The following SURF1 variants were observed in gnomAD, a reference collection of about 807,000 sequenced individuals.
The protein encoded by SURF1 is SURF1 cytochrome c oxidase assembly factor.
In SURF1, 45 loss-of-function variants were observed where a neutral mutation model predicts 34.1. The ratio of observed to expected loss-of-function variants is 1.32; its 90% CI spans 1.04 to 1.69. The LOEUF (loss-of-function observed/expected upper bound fraction) is 1.69. SURF1 is among the 40% of genes most tolerant of loss of function. The pLI is 0.00. For missense variants in SURF1, 456 were observed against 384.6 expected, an observed-to-expected ratio of 1.19 and a Z score of -1.55; for synonymous variants, 188 against 147.5, an observed-to-expected ratio of 1.27 and a Z score of -1.99.
chr9:133,355,664 C>T (rs2130022344), intron 2 of SURF1, among the ~76,000 whole-genome samples: 2 of 152,310 alleles, frequency 1.3e-5, no homozygotes, highest in African/African-American at 2.4e-5. Context: ...TATATCAATT[C>T]AGTAATGGCT....
Position 133,354,869 on chromosome 9 carries a change from G to A in SURF1, c.195C>T (p.Val65=), listed in dbSNP as rs2130019337. Residue 65 remains valine, a synonymous_variant, in exon 3 of 9, where the codon GTC becomes GTT. Coordinates refer to ENST00000371974, the MANE Select transcript of SURF1 (RefSeq NM_003172.4). The stretch of plus-strand genomic sequence containing the variant: ...AGGCAGTCACAGGGATGAGGAGCAG[G>A]ACCCACTGAAGAAAGGAGTCATCTT... ...KAEDDSFLQW[V]LLLIPVTAFG... 33 of 1,614,024 alleles carry A rather than the reference G, an allele frequency of 2.0e-5. No homozygotes were observed. The South Asian group carries it at 3.1e-4, about 15-fold the overall frequency.
At chr9:133,352,258 G>C in intron 7 of SURF1, 116 bp from the exon 8 acceptor site, 1 of 1,363,078 alleles carries the variant, frequency 7.3e-7, no homozygotes, top group Non-Finnish European at 1.0e-6. Flanking sequence ...CCTTTACGTT[G>C]GGTGACCATC....
chr9:133,353,938 G>C lies in SURF1; in HGVS notation c.326C>G (p.Pro109Arg). The C allele has an allele frequency of 6.2e-7, 1 of 1,613,838 alleles. No individual in the cohort carries two copies. The highest frequency in any genetic ancestry group is 8.5e-7 in the Non-Finnish European group (1 of 1,180,038). Residue 109 changes from proline (P) to arginine (R), a missense_variant and splice_region_variant, in exon 5 of 9, where the codon CCA becomes CGA. Physicochemically the swap from Pro to Arg is moderately radical, Grantham distance 103. Coordinates refer to ENST00000371974, the MANE Select transcript of SURF1 (RefSeq NM_003172.4). Reference protein sequence around the residue: ...LAEPVPLPADPMELKNLEYRP... With the variant: ...LAEPVPLPADRMELKNLEYRP... Reference sequence around the variant, plus strand: ...ATACTCCAGATTTTTCAGTTCCATTGGGCTGCATGGAGATAAGAACAGTGG... The same window carrying C: ...ATACTCCAGATTTTTCAGTTCCATTCGGCTGCATGGAGATAAGAACAGTGG...
rs2130018925 is a variant in SURF1, at chr9:133,354,818, C to T, written c.240+6G>A. Reference sequence around the variant, plus strand: ...AGAGTTACGCACACCAGATGCCGGTCTTTACCTGCCATGTCCCCAAGCCAA... The same window carrying T: ...AGAGTTACGCACACCAGATGCCGGTTTTTACCTGCCATGTCCCCAAGCCAA... On this transcript the variant is annotated splice_donor_region_variant and intron_variant, in intron 3 of 8. Transcript: ENST00000371974. The T allele has an allele frequency of 2.1e-4, 336 of 1,613,796 alleles. 5 individuals carry two copies. The South Asian group carries it at 3.5e-3, about 17-fold the overall frequency.
Position 133,352,741 on chromosome 9 carries a change from A to G in SURF1, c.541T>C (p.Phe181Leu), listed in dbSNP as rs1254427424. The stretch of plus-strand genomic sequence containing the variant: ...GGATTCACTTTCTTCCTGGGAACGA[A>G]CCCTCTATTTACCAGGATGGTGACT... ...LGVTILVNRGFVPRKKVNPET... is the reference protein window; with the variant it reads ...LGVTILVNRGLVPRKKVNPET... The change falls in exon 6 of 9, where the codon TTC (phenylalanine) becomes CTC (leucine). Residue 181 changes from phenylalanine to leucine, a missense_variant. Phe to Leu is a conservative substitution (Grantham distance 22, BLOSUM62 0). Coordinates refer to ENST00000371974, the MANE Select transcript of SURF1 (RefSeq NM_003172.4). 4 of 1,612,382 alleles carry G rather than the reference A, an allele frequency of 2.5e-6. No homozygotes were observed. The highest frequency in any genetic ancestry group is 4.5e-5 in the East Asian group (2 of 44,880).
chr9:133,353,774 T>G lies in SURF1; in HGVS notation c.490A>C (p.Thr164Pro), dbSNP rs1588690912. Residue 164 changes from threonine (T) to proline (P), a missense_variant, in exon 5 of 9, where the codon ACT (threonine) becomes CCT (proline). Physicochemically the swap from Thr to Pro is conservative, Grantham distance 38. Transcript: ENST00000371974. ...CCCAGGTCGGTGCAGTGGAAGGGAG[T>G]GACCACATAGGCCCCACTCTGAGTT... Reference protein sequence around the residue: ...SSTQSGAYVVTPFHCTDLGVT... With the variant: ...SSTQSGAYVVPPFHCTDLGVT... 6.2e-7 allele frequency: 1 copy of G among 1,613,696 alleles called. No individual in the cohort carries two copies. The highest frequency in any genetic ancestry group is 8.5e-7 in the Non-Finnish European group (1 of 1,180,016).
chr9:133,351,902 CA>C lies in SURF1; in HGVS notation c.*10del. On this transcript the variant is annotated 3_prime_UTR_variant, in exon 9 of 9. Transcript: ENST00000371974. ...GCATTATCCAGGGACAGGGCTTCAG[CA>C]GCTGATCTGTCACACACCAGGTGTC... 1 of 1,612,882 alleles carries C rather than the reference CA, an allele frequency of 6.2e-7. No individual in the cohort carries two copies. The highest frequency in any genetic ancestry group is 8.5e-7 in the Non-Finnish European group (1 of 1,179,530).
rs1836451398 is a variant in SURF1, at chr9:133,352,468, G to T, written c.729C>A (p.Pro243=). ...EAMARITGAE[P]IFIDANFQST... ...TACGGAAGTTGGCATCAATGAAGAT[G>T]GGCTCTGCGCCTGTGATTCTGGCCA... The change falls in exon 7 of 9, where the codon CCC becomes CCA. Residue 243 remains proline, a synonymous_variant. Transcript: ENST00000371974. 1 of 1,614,196 alleles carries T rather than the reference G, an allele frequency of 6.2e-7. No individual in the cohort carries two copies. The highest frequency in any genetic ancestry group is 8.5e-7 in the Non-Finnish European group (1 of 1,180,046).
Position 133,352,087 on chromosome 9 carries a change from G to T in SURF1, c.807C>A (p.Asn269Lys). Residue 269 changes from asparagine (N) to lysine (K), a missense_variant, in exon 8 of 9, where the codon AAC becomes AAA. Physicochemically the swap from Asn to Lys is moderately conservative, Grantham distance 94 (BLOSUM62 0). Transcript: ENST00000371974. The stretch of plus-strand genomic sequence containing the variant: ...AGGTCACGATGTACTGCAGATGCTC[G>T]TTCCTCAGAGTAACTCTGGTTTGCC... ...IGGQTRVTLR[N>K]EHLQYIVTWY... 6.2e-7 allele frequency: 1 copy of T among 1,610,690 alleles called. No homozygotes were observed. The highest frequency in any genetic ancestry group is 8.5e-7 in the Non-Finnish European group (1 of 1,178,456).
chr9:133,356,310 C>A lies in SURF1; in HGVS notation c.65G>T (p.Ser22Ile). Residue 22 changes from serine to isoleucine, a missense_variant, in exon 2 of 9, where the codon AGC becomes ATC. By Grantham distance (142) the Ser-to-Ile change is moderately radical. Coordinates refer to ENST00000371974, the MANE Select transcript of SURF1 (RefSeq NM_003172.4). ...CCTGAGGACGCTCCTCCAGGCGGCG[C>A]TGGCCGGGGCCTGCGGACACGGACG... ...RAAGLGRAPASAAWRSVLRVS... is the reference protein window; with the variant it reads ...RAAGLGRAPAIAAWRSVLRVS... 6.6e-7 allele frequency: 1 copy of A among 1,523,948 alleles called. No individual in the cohort carries two copies. The allele number at this position is 1,523,948 out of a possible 1,614,324, so 94.4% of individuals were successfully genotyped here.
chr9:133,352,203 C>G, intron 7 of SURF1, 61 bp from the exon 8 acceptor site: 1 of 1,510,144 alleles, frequency 6.6e-7, no homozygotes, highest in Admixed American at 1.9e-5. Context: ...GCACCACTTC[C>G]TAGTGGCTGT....
chr9:133,354,564 A>C, intron 4 of SURF1, 95 bp downstream of exon 4: 1 of 1,449,246 alleles, frequency 6.9e-7, no homozygotes, highest in East Asian at 2.3e-5. Context: ...AGTGACTAAA[A>C]GTCCCACCAA....
Position 133,351,788 on chromosome 9 carries a change from A to T in SURF1, c.*125T>A. Reference sequence around the variant, plus strand: ...ACTGAAACCAAGCCAGGATTTTATGATGAACCAGTCATGAGCTCATTTAAG... The same window carrying T: ...ACTGAAACCAAGCCAGGATTTTATGTTGAACCAGTCATGAGCTCATTTAAG... On this transcript the variant is annotated 3_prime_UTR_variant, in exon 9 of 9. Coordinates refer to ENST00000371974, the MANE Select transcript of SURF1 (RefSeq NM_003172.4). 9.0e-7 allele frequency: 1 copy of T among 1,116,932 alleles called. No homozygotes were observed. Among genetic ancestry groups the T allele is most frequent in the East Asian group, 2.6e-5 (1 of 38,984 alleles). 69.2% of individuals were successfully genotyped at this position (1,116,932 alleles called of 1,614,324 possible). A position where few individuals can be genotyped will look rare whatever the true frequency, so the allele number is the denominator to read the frequency against.
rs1836416878 is a variant in SURF1, at chr9:133,351,820, G to A, written c.*93C>T. On this transcript the variant is annotated 3_prime_UTR_variant, in exon 9 of 9. Coordinates refer to ENST00000371974, the MANE Select transcript of SURF1 (RefSeq NM_003172.4). ...AGTCATGAGCTCATTTAAGGTAGAA[G>A]GCCAGAACTTTATACCAGTAGCACA... is the stretch of plus-strand genomic sequence containing the variant. The A allele has an allele frequency of 2.2e-6, 3 of 1,386,114 alleles. No individual in the cohort carries two copies. Among genetic ancestry groups the A allele is most frequent in the Non-Finnish European group, 3.0e-6 (3 of 994,130 alleles). 85.9% of individuals were successfully genotyped at this position (1,386,114 alleles called of 1,614,324 possible). A position where few individuals can be genotyped will look rare whatever the true frequency, so the allele number is the denominator to read the frequency against.
chr9:133,354,193 A>G, intron 4 of SURF1: 1 of 576,480 alleles, frequency 1.7e-6, no homozygotes, highest in Admixed American at 2.8e-5. Context: ...TATGTGGGCC[A>G]AAACCCCATC....
rs2130025871 is a variant in SURF1 at position 133,356,366 on chromosome 9, GCCCCGCACCCCGCA to G, written c.54+20_54+33del. 14 of 1,343,654 alleles carry G rather than the reference GCCCCGCACCCCGCA, an allele frequency of 1.0e-5. No individual in the cohort carries two copies. The highest frequency in any genetic ancestry group is 3.2e-5 in the Admixed American group (1 of 31,606). 83.2% of individuals were successfully genotyped at this position (1,343,654 alleles called of 1,614,324 possible). ...GCTGAGCTCCGGGACCCCTCCCCGCGCCCCGCACCCCGCACCCCGCACCCGGCGCTCACCCGTCC... is the reference window on the plus strand; with the variant it reads ...GCTGAGCTCCGGGACCCCTCCCCGCGCCCCGCACCCGGCGCTCACCCGTCC... On this transcript the variant is annotated intron_variant, in intron 1 of 8. Coordinates refer to ENST00000371974, the MANE Select transcript of SURF1 (RefSeq NM_003172.4).
At chr9:133,353,994 C>T (rs1836504911) in intron 4 of SURF1, 54 bp from the exon 5 acceptor site, 11 of 1,607,604 alleles carry the variant, frequency 6.8e-6, no homozygotes, top group South Asian at 1.1e-5. Context: ...AAACGAATCC[C>T]CTGAGGGTGG....
At chr9:133,354,983 G>GTTC (rs1836535048) in intron 2 of SURF1, 26 bp from the exon 3 acceptor site, 3 of 1,611,666 alleles carry the variant, frequency 1.9e-6, no homozygotes, top group Non-Finnish European at 2.5e-6. Context: ...ACACTGACAT[G>GTTC]GAGCCAGAAG....
In SURF1 at chr9:133,353,748, C is replaced by A. The variant is rs2130014172; in HGVS notation, c.515+1G>T. 6.2e-7 allele frequency: 1 copy of A among 1,613,790 alleles called. No homozygotes were observed. Among genetic ancestry groups the A allele is most frequent in the Non-Finnish European group, 8.5e-7 (1 of 1,180,034 alleles). On this transcript the variant is annotated splice_donor_variant, in intron 5 of 8. Coordinates refer to ENST00000371974, the MANE Select transcript of SURF1 (RefSeq NM_003172.4). LOFTEE classifies it high-confidence loss of function. ...AGCCAGCTCCCACATGTCCTACTCA[C>A]CCCAGGTCGGTGCAGTGGAAGGGAG...
Sources: gnomAD v4.1 joint callset for allele counts (sites outside exome capture counted in the v4.1 genomes callset) on GRCh38, gnomAD v4.1.1 for gene constraint, MANE v1.5 for transcripts, NCBI Gene and HGNC (gene_info 2026-07-23, HGNC 2026-07-21) for gene names.